AURKB: variants seen among roughly 807,000 people sequenced by gnomAD.
The protein encoded by AURKB is aurora kinase B, also known as aurora kinase B-Sv1.
A neutral mutation model predicts 36.5 loss-of-function variants in AURKB; 28 were observed. That is an observed-to-expected ratio of 0.77 (90% CI 0.57 to 1.05). The LOEUF (loss-of-function observed/expected upper bound fraction) is 1.05. AURKB is among the 50% of genes least tolerant of loss of function. The probability of loss-of-function intolerance (pLI) is 0.00; values close to 1 mark genes in which losing one functional copy is unlikely to be tolerated. For synonymous variants in AURKB, 175 were observed against 172.9 expected, an observed-to-expected ratio of 1.01 and a Z score of -0.09; for missense variants, 383 against 447.4, an observed-to-expected ratio of 0.86 and a Z score of 1.30.
intron 1 of AURKB, 64 bp downstream of exon 1, chr17:8,210,466 C>T (rs1254322366): frequency 5.5e-6 from 3 of 548,576 alleles, no homozygotes; most frequent in Non-Finnish European, 9.6e-6. Context: ...CCCAACGGAC[C>T]CTCTGATCTA....
rs1474435472 is a variant in AURKB at position 8,206,039 on chromosome 17, C to T, written c.686+452G>A. Among the ~76,000 whole-genome samples, 3 of 151,164 alleles carry T rather than the reference C, an allele frequency of 2.0e-5. No individual in the cohort carries two copies. The highest frequency in any genetic ancestry group is 4.9e-5 in the African/African-American group (2 of 41,064). On this transcript the variant is annotated intron_variant, in intron 7 of 8. Transcript: ENST00000585124. This position sits in a 1 kb window ranked among gnomAD's most constrained non-coding sequence, Gnocchi z 4.2. The stretch of plus-strand genomic sequence containing the variant: ...CTCCCAAAGTGCTGGGACTGGTAGG[C>T]GTGAGCCACCGCGCCTGGCCAAAGT...
chr17:8,207,461 C>A (rs1162911264), intron 4 of AURKB, 94 bp from the exon 5 acceptor site: 94 of 1,551,456 alleles, frequency 6.1e-5, no homozygotes, highest in Non-Finnish European at 8.1e-5. Flanking sequence ...CTGTCCTCCG[C>A]CCCACTTGTC....
rs1156418550 is a variant in AURKB, at chr17:8,207,197, ATC to A, written c.375_376del (p.Glu125AspfsTer21). ...ATACTGCAGGTGGGCCTGGATTTCG[ATC>A]TCTCTGCGCAGCTGATGCTCCACGC... On this transcript the variant is annotated frameshift_variant, in exon 5 of 9. Coordinates refer to ENST00000585124, the MANE Select transcript of AURKB (RefSeq NM_004217.4). LOFTEE classifies it high-confidence loss of function. The A allele has an allele frequency of 1.2e-6, 2 of 1,612,884 alleles. No individual in the cohort carries two copies. The highest frequency in any genetic ancestry group is 1.7e-6 in the Non-Finnish European group (2 of 1,179,048).
At chr17:8,209,936 C>G in intron 2 of AURKB, 1 of 593,778 alleles carries the variant, frequency 1.7e-6, no homozygotes, top group East Asian at 2.9e-5. Flanking sequence ...ATGTGACGAG[C>G]CCTGCAGAGG....
At position 8,204,873 on chromosome 17, in the gene AURKB, A is replaced by G. The variant is rs1161457774; in HGVS notation, c.1033T>C (p.Ter345ArgextTer?). The G allele has an allele frequency of 1.9e-6, 3 of 1,611,704 alleles. No individual in the cohort carries two copies. The highest frequency in any genetic ancestry group is 2.5e-6 in the Non-Finnish European group (3 of 1,179,444). The change falls in exon 9 of 9, where the codon TGA becomes CGA. Residue 345 changes from the stop codon to arginine (R), a stop_lost. Coordinates refer to ENST00000585124, the MANE Select transcript of AURKB (RefSeq NM_004217.4). ...LPPSALQSVA[*>R] ...ACCCGAGTGAATGACAGGGACCATCAGGCGACAGATTGAAGGGCAGAGGGA... is the reference window on the plus strand; with the variant it reads ...ACCCGAGTGAATGACAGGGACCATCGGGCGACAGATTGAAGGGCAGAGGGA...
rs940727023 is a variant in AURKB at position 8,206,130 on chromosome 17, A to ATT, written c.686+359_686+360dup. Among the ~76,000 whole-genome samples, 9 of 120,894 alleles carry ATT rather than the reference A, an allele frequency of 7.4e-5. No individual in the cohort carries two copies. Among genetic ancestry groups the ATT allele is most frequent in the South Asian group, 5.4e-4 (2 of 3,686 alleles). 79.3% of individuals were successfully genotyped at this position (120,894 alleles called of 152,430 possible). ...GGGTTATTAGCACCACACTCTAACC[A>ATT]TTTTTTTTTTTTTTTTTTGAGACAG... On this transcript the variant is annotated intron_variant, in intron 7 of 8. Transcript: ENST00000585124. The surrounding 1 kb of genome is among the most constrained non-coding windows in gnomAD (Gnocchi z 4.2).
In AURKB at chr17:8,204,789, A is replaced by G; in HGVS notation, c.*82T>C. ...CAAAGGAGGAGGTAGAAAACAGATA[A>G]GGGAACAGTTAGGGATCCCTTCTTT... On this transcript the variant is annotated 3_prime_UTR_variant, in exon 9 of 9. Transcript: ENST00000585124. The G allele has an allele frequency of 1.3e-6, 2 of 1,544,522 alleles. No individual in the cohort carries two copies. The highest frequency in any genetic ancestry group is 1.8e-6 in the Non-Finnish European group (2 of 1,136,134).
chr17:8,205,377 A>G lies in AURKB; in HGVS notation c.700T>C (p.Cys234Arg). Residue 234 changes from cysteine to arginine, a missense_variant, in exon 8 of 9, where the codon TGT (cysteine) becomes CGT (arginine). Cys to Arg is a radical substitution (Grantham distance 180). This residue lies in a region of AURKB where 219 missense variants were observed against 252.6 expected (regional missense o/e 0.87). Transcript: ENST00000585124. Reference sequence around the variant, plus strand: ...GGGGGCAGGTAGTCCAGGGTGCCACACATTGTCTTCCTCCTGGGAGGGATA... The same window carrying G: ...GGGGGCAGGTAGTCCAGGGTGCCACGCATTGTCTTCCTCCTGGGAGGGATA... ...HAPSLRRKTM[C>R]GTLDYLPPEM... The G allele has an allele frequency of 6.2e-7, 1 of 1,614,064 alleles. No homozygotes were observed. Among genetic ancestry groups the G allele is most frequent in the Non-Finnish European group, 8.5e-7 (1 of 1,179,992 alleles).
At chr17:8,207,648 G>T in intron 3 of AURKB, 23 bp from the exon 4 acceptor site, 1 of 1,613,932 alleles carries the variant, frequency 6.2e-7, no homozygotes, top group South Asian at 1.1e-5. Flanking sequence ...CAGGTAGGTT[G>T]AATGCGAACA....
chr17:8,206,247 C>T lies in AURKB; in HGVS notation c.686+244G>A, dbSNP rs1466896403. 6.6e-6 allele frequency among the ~76,000 whole-genome samples: 1 copy of T among 151,972 alleles called. No individual in the cohort carries two copies. The highest frequency in any genetic ancestry group is 6.6e-5 in the Admixed American group (1 of 15,260). On this transcript the variant is annotated intron_variant, in intron 7 of 8. Transcript: ENST00000585124. This position sits in a 1 kb window ranked among gnomAD's most constrained non-coding sequence, Gnocchi z 4.2. ...CCAGGTTCAAACAATTCTCCTGCCT[C>T]AGCCTCCCCAGTAGCTGGGATTACT...
intron 2 of AURKB, chr17:8,209,911 C>T: frequency 1.8e-6 from 1 of 566,750 alleles, no homozygotes; most frequent in Admixed American, 3.4e-5. Context: ...CTGCTCAGTC[C>T]CAGATATCAT....
At chr17:8,210,147 G>A (rs1342583807) in intron 2 of AURKB, 30 bp downstream of exon 2, 2 of 1,612,392 alleles carry the variant, frequency 1.2e-6, no homozygotes, top group African/African-American at 2.7e-5. Flanking sequence ...CGGGGTCATG[G>A]GGGCGCAGGG....
chr17:8,205,423 T>A lies in AURKB; in HGVS notation c.687-33A>T, dbSNP rs533851638. ...GGATAAGGGGCGTGGGCAGGGGTCCTAGTGACATAGGAACTCTCCTTTCCC... is the reference window on the plus strand; with the variant it reads ...GGATAAGGGGCGTGGGCAGGGGTCCAAGTGACATAGGAACTCTCCTTTCCC... On this transcript the variant is annotated intron_variant, in intron 7 of 8. Transcript: ENST00000585124. 32 of 1,607,136 alleles carry A rather than the reference T, an allele frequency of 2.0e-5. 1 individual carries two copies. The African/African-American group carries it at 3.6e-4, about 18-fold the overall frequency.
At chr17:8,205,112 TTC>T in intron 8 of AURKB, 68 bp from the exon 9 acceptor site, 12 of 1,546,276 alleles carry the variant, frequency 7.8e-6, no homozygotes, top group Non-Finnish European at 1.0e-5. Context: ...TGACTACCCA[TTC>T]TGTTTGGAGT....
Position 8,204,901 on chromosome 17 carries a change from CA to C in AURKB, c.1004del (p.Leu335ArgfsTer35), listed in dbSNP as rs1352935270. The stretch of plus-strand genomic sequence containing the variant: ...CGACAGATTGAAGGGCAGAGGGAGG[CA>C]GCACCCTCCGAGAGTTGGCCCGGAC... The part of the protein sequence containing the change: ...PWVRANSRRV[L>X]PPSALQSVA On this transcript the variant is annotated frameshift_variant, in exon 9 of 9. Transcript: ENST00000585124. LOFTEE classifies it high-confidence loss of function. 1.2e-6 allele frequency: 2 copies of C among 1,605,754 alleles called. No homozygotes were observed. The highest frequency in any genetic ancestry group is 1.7e-6 in the Non-Finnish European group (2 of 1,178,124).
intron 2 of AURKB, among the ~76,000 whole-genome samples, chr17:8,209,363 TAA>T (rs1985817404): frequency 6.6e-6 from 1 of 152,114 alleles, no homozygotes. Flanking sequence ...GTGACTAAGG[TAA>T]AAGTGACAAT....
intron 7 of AURKB, among the ~76,000 whole-genome samples, chr17:8,205,633 G>A (rs1177047228): frequency 6.6e-6 from 1 of 152,310 alleles, no homozygotes; most frequent in East Asian, 1.9e-4. Flanking sequence ...ACCCTGATAT[G>A]AGGGCAGTGT....
In AURKB at chr17:8,206,162, G is replaced by C. The variant is rs1014063899; in HGVS notation, c.686+329C>G. ...TTTTTTTTTTTTGAGACAGAGTCTC[G>C]ATCTGTCACACAGGCTGGAGTGCAA... On this transcript the variant is annotated intron_variant, in intron 7 of 8. Coordinates refer to ENST00000585124, the MANE Select transcript of AURKB (RefSeq NM_004217.4). The surrounding 1 kb of genome is among the most constrained non-coding windows in gnomAD (Gnocchi z 4.2). Among the ~76,000 whole-genome samples, 20 of 131,910 alleles carry C rather than the reference G, an allele frequency of 1.5e-4. No homozygotes were observed. Among genetic ancestry groups the C allele is most frequent in the African/African-American group, 5.7e-4 (20 of 35,318 alleles). 86.5% of individuals were successfully genotyped at this position (131,910 alleles called of 152,430 possible). A position where few individuals can be genotyped will look rare whatever the true frequency, so the allele number is the denominator to read the frequency against.
rs754393355 is a variant in AURKB at position 8,204,967 on chromosome 17, C to A, written c.939G>T (p.Ser313=). 1 of 1,610,152 alleles carries A rather than the reference C, an allele frequency of 6.2e-7. No individual in the cohort carries two copies. The highest frequency in any genetic ancestry group is 1.3e-5 in the African/African-American group (1 of 74,498). ...AGACCTGGGCCAGGGGCAGCCGTTC[C>A]GAGGGGTTATGCCTGAGCAGTTTGG... ...LISKLLRHNP[S]ERLPLAQVSA... is the part of the protein sequence containing the mutation. Residue 313 remains serine (S), a synonymous_variant, in exon 9 of 9, where the codon TCG becomes TCT. Coordinates refer to ENST00000585124, the MANE Select transcript of AURKB (RefSeq NM_004217.4).
Sources: allele counts gnomAD v4.1 joint callset (sites outside exome capture counted in the v4.1 genomes callset), GRCh38; gene constraint gnomAD v4.1.1; regional missense constraint gnomAD v4.1.1; non-coding constraint Gnocchi (gnomAD v3.1); transcripts MANE v1.5; gene names NCBI Gene and HGNC (gene_info 2026-07-23, HGNC 2026-07-21).